Variants in OR2H1 observed in about 807,000 individuals in gnomAD.
OR2H1 encodes the protein olfactory receptor family 2 subfamily H member 1.
For synonymous variants in OR2H1, 155 were observed against 155.2 expected (o/e 1.00, Z 0.01); for missense variants, 380 against 367.3 (o/e 1.03, Z -0.28).
rs1239222165 is a variant in OR2H1, at chr6:29,462,195, G to A, written c.426G>A (p.Leu142=). The A allele has an allele frequency of 6.2e-7, 1 of 1,613,564 alleles. No homozygotes were observed. Among genetic ancestry groups the A allele is most frequent in the Non-Finnish European group, 8.5e-7 (1 of 1,180,022 alleles). ...TCCACCCCCGCCTGTGCTGGCAGCTGGCATCTGTGGCCTGGGTTATGAGTC... is the reference window on the plus strand; with the variant it reads ...TCCACCCCCGCCTGTGCTGGCAGCTAGCATCTGTGGCCTGGGTTATGAGTC... The part of the protein sequence containing the change: ...TIIHPRLCWQ[L]ASVAWVMSLV... Residue 142 remains leucine, a synonymous_variant, in exon 4 of 4, where the codon CTG becomes CTA. Coordinates refer to ENST00000377133, the MANE Select transcript of OR2H1 (RefSeq NM_030883.5).
Position 29,462,501 on chromosome 6 carries a change from T to C in OR2H1, c.732T>C (p.Thr244=), listed in dbSNP as rs1179572703. Residue 244 remains threonine, a synonymous_variant, in exon 4 of 4, where the codon ACT becomes ACC. Coordinates refer to ENST00000377133, the MANE Select transcript of OR2H1 (RefSeq NM_030883.5). ...KAFGTCSSHL[T]VVTLFYSSVI... is the part of the protein sequence containing the mutation. ...TTGGGACCTGCTCCTCCCATCTCAC[T>C]GTGGTCACCCTCTTCTACAGCTCAG... The C allele has an allele frequency of 6.2e-7, 1 of 1,613,080 alleles. No individual in the cohort carries two copies. The highest frequency in any genetic ancestry group is 1.3e-5 in the African/African-American group (1 of 75,042).
In OR2H1 at chr6:29,461,783, G is replaced by A. The variant is rs182690499; in HGVS notation, c.14G>A (p.Ser5Asn). The A allele has an allele frequency of 6.2e-7, 1 of 1,612,424 alleles. No homozygotes were observed. Residue 5 changes from serine to asparagine, a missense_variant, in exon 4 of 4, where the codon AGC becomes AAC. Coordinates refer to ENST00000377133, the MANE Select transcript of OR2H1 (RefSeq NM_030883.5). Reference protein sequence around the residue: MVNQSSPMGFLLLGF... With the variant: MVNQNSPMGFLLLGF... ...CAAGAACAGGCCATGGTTAACCAAA[G>A]CTCCCCCATGGGCTTCCTCCTTCTG...
In OR2H1 at chr6:29,461,996, T is replaced by A; in HGVS notation, c.227T>A (p.Val76Asp). 1 of 1,613,222 alleles carries A rather than the reference T, an allele frequency of 6.2e-7. No individual in the cohort carries two copies. The highest frequency in any genetic ancestry group is 8.5e-7 in the Non-Finnish European group (1 of 1,179,998). The change falls in exon 4 of 4, where the codon GTC becomes GAC. Residue 76 changes from valine (V) to aspartate (D), a missense_variant. Val to Asp is a radical substitution (Grantham distance 152, BLOSUM62 -3). Coordinates refer to ENST00000377133, the MANE Select transcript of OR2H1 (RefSeq NM_030883.5). The part of the protein sequence containing the change: ...FLDLCFTTSC[V>D]PQMLVNLWGP... ...GACCTCTGCTTTACCACAAGTTGTG[T>A]CCCCCAGATGCTGGTCAACCTCTGG...
chr6:29,461,341 G>T, intron 3 of OR2H1, 154 bp from the exon 4 acceptor site: 1 of 172,488 alleles, frequency 5.8e-6, no homozygotes, highest in Non-Finnish European at 1.2e-5. Context: ...TCTATCAAAT[G>T]ATTCTTTTCT....
At chr6:29,459,086 A>G (rs1269437576) in intron 2 of OR2H1, among the ~76,000 whole-genome samples, 2 of 152,192 alleles carry the variant, frequency 1.3e-5, no homozygotes, top group Non-Finnish European at 2.9e-5. Flanking sequence ...AAAGGAAGAT[A>G]TAAACTGAAG....
At chr6:29,460,625 T>C (rs1787144205) in intron 3 of OR2H1, among the ~76,000 whole-genome samples, 171 bp downstream of exon 3, 1 of 152,084 alleles carries the variant, frequency 6.6e-6, no homozygotes, top group African/African-American at 2.4e-5. Flanking sequence ...AGGCATTATA[T>C]ATACAACTCA....
In OR2H1 at chr6:29,462,377, T is replaced by C. The variant is rs1787403721; in HGVS notation, c.608T>C (p.Ile203Thr). Reference protein sequence around the residue: ...NEIQLAVSSVIFVVVPLSLIL... With the variant: ...NEIQLAVSSVTFVVVPLSLIL... ...ATCCAGTTGGCTGTGTCCAGTGTCATCTTCGTGGTTGTGCCTCTCAGCCTC... is the reference window on the plus strand; with the variant it reads ...ATCCAGTTGGCTGTGTCCAGTGTCACCTTCGTGGTTGTGCCTCTCAGCCTC... The change falls in exon 4 of 4, where the codon ATC (isoleucine) becomes ACC (threonine). Residue 203 changes from isoleucine to threonine, a missense_variant. Ile to Thr is a moderately conservative substitution (Grantham distance 89). Coordinates refer to ENST00000377133, the MANE Select transcript of OR2H1 (RefSeq NM_030883.5). The C allele has an allele frequency of 6.2e-7, 1 of 1,613,132 alleles. No homozygotes were observed. Among genetic ancestry groups the C allele is most frequent in the Non-Finnish European group, 8.5e-7 (1 of 1,180,036 alleles).
At position 29,461,677 on chromosome 6, in the gene OR2H1, A is replaced by T; in HGVS notation, c.-93A>T. 1.1e-6 allele frequency: 1 copy of T among 941,328 alleles called. No individual in the cohort carries two copies. Among genetic ancestry groups the T allele is most frequent in the South Asian group, 1.5e-5 (1 of 64,794 alleles). 58.3% of individuals were successfully genotyped at this position (941,328 alleles called of 1,614,324 possible). ...AGAAAAGAAACACCTACCTGCTGTGACCTCACAAACACCCAGGCTGAGTTT... is the reference window on the plus strand; with the variant it reads ...AGAAAAGAAACACCTACCTGCTGTGTCCTCACAAACACCCAGGCTGAGTTT... On this transcript the variant is annotated 5_prime_UTR_variant, in exon 4 of 4. Coordinates refer to ENST00000377133, the MANE Select transcript of OR2H1 (RefSeq NM_030883.5).
Position 29,461,831 on chromosome 6 carries a change from T to C in OR2H1, c.62T>C (p.Leu21Pro). The C allele has an allele frequency of 6.2e-7, 1 of 1,613,102 alleles. No individual in the cohort carries two copies. Among genetic ancestry groups the C allele is most frequent in the Non-Finnish European group, 8.5e-7 (1 of 1,180,034 alleles). ...CTGGGCTTCTCTGAACACCCAGCAC[T>C]GGAAAGGACTCTCTTTGTGGTTGTC... ...LLLGFSEHPA[L>P]ERTLFVVVFT... is the part of the protein sequence containing the mutation. Residue 21 changes from leucine to proline, a missense_variant, in exon 4 of 4, where the codon CTG becomes CCG. Coordinates refer to ENST00000377133, the MANE Select transcript of OR2H1 (RefSeq NM_030883.5).
chr6:29,462,362 C>T lies in OR2H1; in HGVS notation c.593C>T (p.Ala198Val), dbSNP rs973562412. The change falls in exon 4 of 4, where the codon GCT (alanine) becomes GTT (valine). Residue 198 changes from alanine (A) to valine (V), a missense_variant. Transcript: ENST00000377133. ...ACCTCCTACAATGAAATCCAGTTGG[C>T]TGTGTCCAGTGTCATCTTCGTGGTT... Reference protein sequence around the residue: ...GDTSYNEIQLAVSSVIFVVVP... With the variant: ...GDTSYNEIQLVVSSVIFVVVP... 4 of 1,613,030 alleles carry T rather than the reference C, an allele frequency of 2.5e-6. No individual in the cohort carries two copies. The African/African-American group carries it at 4.0e-5, about 16-fold the overall frequency.
At position 29,462,247 on chromosome 6, in the gene OR2H1, T is replaced by C. The variant is rs191175468; in HGVS notation, c.478T>C (p.Ser160Pro). Residue 160 changes from serine (S) to proline (P), a missense_variant, in exon 4 of 4, where the codon TCC becomes CCC. Physicochemically the swap from Ser to Pro is moderately conservative, Grantham distance 74 (BLOSUM62 -1). Coordinates refer to ENST00000377133, the MANE Select transcript of OR2H1 (RefSeq NM_030883.5). ...GGTTCAATCGATAGTCCAGACACCA[T>C]CCACCCTCCACTTGCCCTTCTGTCC... Reference protein sequence around the residue: ...SLVQSIVQTPSTLHLPFCPHQ... With the variant: ...SLVQSIVQTPPTLHLPFCPHQ... 1,731 of 1,613,384 alleles carry C rather than the reference T, an allele frequency of 1.1e-3. 35 individuals carry two copies. In the South Asian group the frequency reaches 0.012, roughly 11 times the overall value.
intron 3 of OR2H1, 74 bp from the exon 4 acceptor site, chr6:29,461,421 C>A (rs918201862): frequency 2.0e-5 from 6 of 295,082 alleles, no homozygotes; most frequent in Admixed American, 4.6e-5. Flanking sequence ...TAGAGCCTAA[C>A]AATTTATTGT....
chr6:29,461,828 C>T lies in OR2H1; in HGVS notation c.59C>T (p.Ala20Val). The T allele has an allele frequency of 6.2e-7, 1 of 1,613,096 alleles. No homozygotes were observed. Among genetic ancestry groups the T allele is most frequent in the South Asian group, 1.1e-5 (1 of 91,078 alleles). The change falls in exon 4 of 4, where the codon GCA (alanine) becomes GTA (valine). Residue 20 changes from alanine (A) to valine (V), a missense_variant. Transcript: ENST00000377133. ...CTTCTGGGCTTCTCTGAACACCCAG[C>T]ACTGGAAAGGACTCTCTTTGTGGTT... Reference protein sequence around the residue: ...FLLLGFSEHPALERTLFVVVF... With the variant: ...FLLLGFSEHPVLERTLFVVVF...
Position 29,462,684 on chromosome 6 carries a change from G to C in OR2H1, c.915G>C (p.Lys305Asn). 1 of 1,612,838 alleles carries C rather than the reference G, an allele frequency of 6.2e-7. No homozygotes were observed. Among genetic ancestry groups the C allele is most frequent in the Non-Finnish European group, 8.5e-7 (1 of 1,179,912 alleles). The change falls in exon 4 of 4, where the codon AAG becomes AAC. Residue 305 changes from lysine (K) to asparagine (N), a missense_variant. Physicochemically the swap from Lys to Asn is moderately conservative, Grantham distance 94. Coordinates refer to ENST00000377133, the MANE Select transcript of OR2H1 (RefSeq NM_030883.5). ...IKRALRRLLG[K>N]ERDSRESWRA... The stretch of plus-strand genomic sequence containing the variant: ...GAGCACTCAGGAGGTTACTAGGGAA[G>C]GAAAGAGACTCCAGGGAAAGCTGGA...
chr6:29,459,811 T>A (rs915875421), intron 2 of OR2H1: 12 of 152,340 alleles, frequency 7.9e-5, no homozygotes, highest in African/African-American at 2.7e-4. Context: ...AAAATGCATG[T>A]CACCTCCTCC....
chr6:29,463,020 A>C lies in OR2H1; in HGVS notation c.*300A>C. On this transcript the variant is annotated 3_prime_UTR_variant, in exon 4 of 4. Transcript: ENST00000377133. ...TGTCATCACTTCTATAGATTTCCTAACTCCACCATGCCTATTTCTGGTTAT... is the reference window on the plus strand; with the variant it reads ...TGTCATCACTTCTATAGATTTCCTACCTCCACCATGCCTATTTCTGGTTAT... The C allele has an allele frequency of 7.4e-6, 3 of 406,312 alleles. No homozygotes were observed. Among genetic ancestry groups the C allele is most frequent in the Non-Finnish European group, 9.1e-6 (2 of 219,700 alleles). 25.2% of individuals were successfully genotyped at this position (406,312 alleles called of 1,614,324 possible). A position where few individuals can be genotyped will look rare whatever the true frequency, so the allele number is the denominator to read the frequency against.
chr6:29,457,750 G>A (rs1187832402), intron 1 of OR2H1, among the ~76,000 whole-genome samples: 1 of 152,214 alleles, frequency 6.6e-6, no homozygotes, highest in Admixed American at 6.5e-5. Flanking sequence ...GCACATTCGA[G>A]GCTTGAGAGG....
In OR2H1 at chr6:29,461,636, C is replaced by T; in HGVS notation, c.-134C>T. 1.5e-6 allele frequency: 1 copy of T among 676,980 alleles called. No individual in the cohort carries two copies. Among genetic ancestry groups the T allele is most frequent in the African/African-American group, 1.8e-5 (1 of 55,854 alleles). The allele number at this position is 676,980 out of a possible 1,614,324, so 41.9% of individuals were successfully genotyped here. A position where few individuals can be genotyped will look rare whatever the true frequency, so the allele number is the denominator to read the frequency against. On this transcript the variant is annotated 5_prime_UTR_variant, in exon 4 of 4. Transcript: ENST00000377133. The stretch of plus-strand genomic sequence containing the variant: ...TGACGATAAGCCTGGGAAAGGGAGG[C>T]TGGGTGAGCAGAGACAGAAAAGAAA...
At position 29,462,579 on chromosome 6, in the gene OR2H1, G is replaced by T; in HGVS notation, c.810G>T (p.Lys270Asn). ...PKNPYAQGRG[K>N]FFGLFYAVGT... ...ATCCGTATGCCCAAGGGAGGGGCAA[G>T]TTCTTTGGTCTCTTCTATGCAGTGG... The change falls in exon 4 of 4, where the codon AAG becomes AAT. Residue 270 changes from lysine (K) to asparagine (N), a missense_variant. Lys to Asn is a moderately conservative substitution (Grantham distance 94). Transcript: ENST00000377133. 3.1e-6 allele frequency: 5 copies of T among 1,610,052 alleles called. No homozygotes were observed. The highest frequency in any genetic ancestry group is 4.2e-6 in the Non-Finnish European group (5 of 1,179,982).
Sources: gnomAD v4.1 joint callset for allele counts (sites outside exome capture counted in the v4.1 genomes callset) on GRCh38, gnomAD v4.1.1 for gene constraint, MANE v1.5 for transcripts, NCBI Gene and HGNC (gene_info 2026-07-23, HGNC 2026-07-21) for gene names.